Variants in TCF4 observed in about 807,000 individuals in gnomAD.
TCF4 encodes transcription factor 4.
TCF4 carries 3 observed loss-of-function variants against 82.1 expected under a neutral mutation model. The ratio of observed to expected loss-of-function variants is 0.04; its 90% CI spans 0.02 to 0.09. The LOEUF (loss-of-function observed/expected upper bound fraction) is 0.09. TCF4 is among the 10% of genes least tolerant of loss of function. The pLI is 1.00. For missense variants in TCF4, 518 were observed against 852.7 expected, an observed-to-expected ratio of 0.61 and a Z score of 4.89; for synonymous variants, 276 against 309.6, an observed-to-expected ratio of 0.89 and a Z score of 1.14.
At chr18:55,313,946 C>A (rs184974002) in intron 8 of TCF4, among the ~76,000 whole-genome samples, 4 of 152,088 alleles carry the variant, frequency 2.6e-5, no homozygotes, top group Admixed American at 6.6e-5. Context: ...TCCCTCCCCC[C>A]CTTACAAATT....
intron 2 of TCF4, among the ~76,000 whole-genome samples, chr18:55,608,633 C>T (rs186174472): frequency 6.6e-6 from 1 of 152,202 alleles, no homozygotes; most frequent in East Asian, 1.9e-4. Flanking sequence ...AAGCACTGTG[C>T]TATGGGCCGT....
chr18:55,419,578 C>G (rs543151100), intron 5 of TCF4, among the ~76,000 whole-genome samples: 24 of 152,142 alleles, frequency 1.6e-4, no homozygotes, highest in African/African-American at 4.3e-4. Context: ...CAGAGTGACC[C>G]CTGAAATTCA....
intron 2 of TCF4, among the ~76,000 whole-genome samples, chr18:55,595,198 GA>G (rs1042833254): frequency 1.1e-4 from 17 of 152,206 alleles, no homozygotes; most frequent in African/African-American, 3.9e-4. Context: ...TGGACACTAA[GA>G]ATGAAAGATT....
chr18:55,405,303 T>C (rs1010110111), intron 5 of TCF4, among the ~76,000 whole-genome samples: 1 of 152,182 alleles, frequency 6.6e-6, no homozygotes, highest in African/African-American at 2.4e-5. Context: ...CTTACTTTGA[T>C]GTAATATTCA....
chr18:55,394,572 G>T (rs1440586563), intron 6 of TCF4, among the ~76,000 whole-genome samples: 1 of 152,142 alleles, frequency 6.6e-6, no homozygotes, highest in East Asian at 1.9e-4. Context: ...CCGGGCGAAA[G>T]TCGCTCTCCC....
At chr18:55,496,382 A>G (rs2096636027) in intron 3 of TCF4, 1 of 150,808 alleles carries the variant, frequency 6.6e-6, no homozygotes. Context: ...TTCAATACCT[A>G]TGTGTTCCAG....
chr18:55,589,747 A>T, upstream of TCF4: 1 of 1,019,212 alleles, frequency 9.8e-7, no homozygotes. Context: ...CATTGATAAT[A>T]ATAGGTTTCC....
chr18:55,407,670 C>G lies in TCF4; in HGVS notation c.305-4152G>C, dbSNP rs1255411905. Reference sequence around the variant, plus strand: ...CATATAAAAAAAAAAAAAAAAAAGTCAATGTTTTGCTGATCTATTCAACAA... The same window carrying G: ...CATATAAAAAAAAAAAAAAAAAAGTGAATGTTTTGCTGATCTATTCAACAA... On this transcript the variant is annotated intron_variant, in intron 5 of 19. Transcript: ENST00000354452. 2.8e-5 allele frequency among the ~76,000 whole-genome samples: 4 copies of G among 143,634 alleles called. No individual in the cohort carries two copies. The East Asian group carries it at 6.2e-4, about 22-fold the overall frequency. The allele number at this position is 143,634 out of a possible 152,430, so 94.2% of individuals were successfully genotyped here. A position where few individuals can be genotyped will look rare whatever the true frequency, so the allele number is the denominator to read the frequency against.
At chr18:55,585,189 T>G (rs2097627642) in intron 3 of TCF4, 91 bp downstream of exon 3, 2 of 1,201,816 alleles carry the variant, frequency 1.7e-6, no homozygotes, top group Non-Finnish European at 2.5e-6. Context: ...AATGACTTTT[T>G]CAGAACTCTT....
intron 3 of TCF4, among the ~76,000 whole-genome samples, chr18:55,578,189 G>T (rs2097546183): frequency 6.6e-6 from 1 of 152,086 alleles, no homozygotes; most frequent in Admixed American, 6.6e-5. Flanking sequence ...TGACAAGTGG[G>T]CTGGATTACA....
chr18:55,532,089 G>A (rs983216215), intron 3 of TCF4, among the ~76,000 whole-genome samples: 9 of 152,174 alleles, frequency 5.9e-5, no homozygotes, highest in Non-Finnish European at 1.2e-4. Flanking sequence ...AAAGAAATAA[G>A]AAGGTAATTA....
chr18:55,283,975 T>C (rs748298712), intron 8 of TCF4, among the ~76,000 whole-genome samples: 27 of 152,168 alleles, frequency 1.8e-4, no homozygotes, highest in Non-Finnish European at 3.4e-4. Flanking sequence ...TCAAAGTCTA[T>C]GTTCTTTCCA....
chr18:55,274,314 A>G (rs567457682), intron 10 of TCF4, among the ~76,000 whole-genome samples: 23 of 152,322 alleles, frequency 1.5e-4, no homozygotes, highest in African/African-American at 5.5e-4. Flanking sequence ...AATGTGAGAT[A>G]GTTTGTGATT....
chr18:55,426,914 CA>C (rs1435571624), intron 5 of TCF4, among the ~76,000 whole-genome samples: 3 of 152,100 alleles, frequency 2.0e-5, no homozygotes, highest in Admixed American at 6.6e-5. Context: ...CCAGTGTCAT[CA>C]CAGTATAAAT....
intron 3 of TCF4, among the ~76,000 whole-genome samples, chr18:55,537,397 C>T (rs1025564341): frequency 6.6e-6 from 1 of 152,030 alleles, no homozygotes; most frequent in Non-Finnish European, 1.5e-5. Flanking sequence ...CAAGAACAGC[C>T]TGGGCAACAT....
At chr18:55,429,764 CAA>C (rs35255242) in intron 5 of TCF4, among the ~76,000 whole-genome samples, 3 of 57,176 alleles carry the variant, frequency 5.2e-5, no homozygotes, top group Admixed American at 3.2e-4. Flanking sequence ...GACTCCATCT[CAA>C]AAAAAAAAAA....
At chr18:55,247,550 C>A (rs2053655990) in intron 15 of TCF4, among the ~76,000 whole-genome samples, 2 of 152,134 alleles carry the variant, frequency 1.3e-5, no homozygotes, top group African/African-American at 2.4e-5. Flanking sequence ...AATGAAGATA[C>A]AAGGTACTGA....
At chr18:55,564,778 G>C (rs1375446748) in intron 3 of TCF4, among the ~76,000 whole-genome samples, 3 of 152,314 alleles carry the variant, frequency 2.0e-5, no homozygotes, top group Non-Finnish European at 4.4e-5. Flanking sequence ...TAATGTACCA[G>C]AGAATAAAAG....
chr18:55,558,723 C>T (rs908018972), intron 3 of TCF4, among the ~76,000 whole-genome samples: 12 of 152,048 alleles, frequency 7.9e-5, no homozygotes, highest in Non-Finnish European at 1.3e-4. Context: ...TTATTGTTAT[C>T]GTTTTTAGGT....
Sources: gnomAD v4.1 joint callset for allele counts (sites outside exome capture counted in the v4.1 genomes callset) on GRCh38, gnomAD v4.1.1 for gene constraint, MANE v1.5 for transcripts, NCBI Gene and HGNC (gene_info 2026-07-23, HGNC 2026-07-21) for gene names.